Variants in BRPF3 observed in about 807,000 individuals in gnomAD.
BRPF3 encodes bromodomain and PHD finger-containing protein 3.
A neutral mutation model predicts 102.0 loss-of-function variants in BRPF3; 18 were observed. That is an observed-to-expected ratio of 0.18 (90% CI 0.12 to 0.26). BRPF3 has a LOEUF of 0.26. Among genes scored for constraint, BRPF3 ranks in the 10% least tolerant of loss-of-function variants. The pLI, the probability that BRPF3 is intolerant of heterozygous loss-of-function variation, is 1.00. For missense variants in BRPF3, 1,147 were observed against 1,567.8 expected (o/e 0.73, Z 4.53); for synonymous variants, 570 against 614.2 (o/e 0.93, Z 1.06).
chr6:36,211,131 C>CGCTGCTGGAA, intron 6 of BRPF3, 127 bp from the exon 7 acceptor site: 1 of 1,095,416 alleles, frequency 9.1e-7, no homozygotes, highest in Non-Finnish European at 1.3e-6. Flanking sequence ...CCCACAGTGA[C>CGCTGCTGGAA]GCTGCTGGAA....
intron 4 of BRPF3, among the ~76,000 whole-genome samples, chr6:36,208,257 A>G (rs1170953309): frequency 6.6e-6 from 1 of 152,224 alleles, no homozygotes; most frequent in Non-Finnish European, 1.5e-5. Flanking sequence ...AATACTGTTA[A>G]TTAAGTGGAT....
chr6:36,223,274 C>CA (rs1768615112), intron 10 of BRPF3, among the ~76,000 whole-genome samples: 1 of 152,188 alleles, frequency 6.6e-6, no homozygotes, highest in South Asian at 2.1e-4. Context: ...CAGTTTCTTT[C>CA]TCGTATGTGT....
chr6:36,205,597 C>T (rs563506781), intron 3 of BRPF3, among the ~76,000 whole-genome samples: 1 of 152,292 alleles, frequency 6.6e-6, no homozygotes, highest in Non-Finnish European at 1.5e-5. Context: ...ATATTCTCAC[C>T]TGATTGATCA....
At chr6:36,217,009 G>A (rs893807087) in intron 8 of BRPF3, among the ~76,000 whole-genome samples, 7 of 152,052 alleles carry the variant, frequency 4.6e-5, no homozygotes, top group African/African-American at 1.5e-4. Flanking sequence ...ACTGCACTCC[G>A]CCTGGGCAAC....
intron 7 of BRPF3, 28 bp downstream of exon 7, chr6:36,211,588 G>C (rs763021871): frequency 5.9e-5 from 91 of 1,545,232 alleles, no homozygotes; most frequent in Non-Finnish European, 7.7e-5. Flanking sequence ...GCAGGCAGGG[G>C]GTTGGAGGGT....
In BRPF3 at chr6:36,211,261, A is replaced by G. The variant is rs1471722682; in HGVS notation, c.2183A>G (p.Asp728Gly). ...DFYRFSWEDV[D>G]NILIPENRAH... The stretch of plus-strand genomic sequence containing the variant: ...TGTCCTCCCTTCTCCCTGGCAGTGG[A>G]CAACATCCTCATCCCAGAGAACCGG... Residue 728 changes from aspartate to glycine, a missense_variant, in exon 7 of 13, where the codon GAC becomes GGC. This residue lies in a region of BRPF3 where 109 missense variants were observed against 175.1 expected (regional missense o/e 0.62). Coordinates refer to ENST00000357641, the MANE Select transcript of BRPF3 (RefSeq NM_015695.3). The G allele has an allele frequency of 1.2e-6, 2 of 1,612,736 alleles. No homozygotes were observed. The highest frequency in any genetic ancestry group is 2.2e-5 in the East Asian group (1 of 44,872).
At chr6:36,207,286 T>C (rs762681280) in intron 3 of BRPF3, 27 bp from the exon 4 acceptor site, 7 of 1,606,262 alleles carry the variant, frequency 4.4e-6, no homozygotes, top group Non-Finnish European at 6.0e-6. Flanking sequence ...AGGAGGTTCC[T>C]AGTCCCTCTT....
chr6:36,223,747 G>C (rs972977312), intron 10 of BRPF3, among the ~76,000 whole-genome samples: 1 of 152,006 alleles, frequency 6.6e-6, no homozygotes. Flanking sequence ...CCGGCTTTTA[G>C]CATTATATGT....
Position 36,210,095 on chromosome 6 carries a change from G to T in BRPF3, c.1867-121G>T, listed in dbSNP as rs1364127249. Reference sequence around the variant, plus strand: ...CAGGCCAGGGTGGGCCAGGACTGTAGGTCTTTGAGTTAGCCTGGCATGGCC... The same window carrying T: ...CAGGCCAGGGTGGGCCAGGACTGTATGTCTTTGAGTTAGCCTGGCATGGCC... On this transcript the variant is annotated intron_variant, in intron 5 of 12. Transcript: ENST00000357641. This position sits in a 1 kb window ranked among gnomAD's most constrained non-coding sequence, Gnocchi z 4.7. 10 of 1,428,790 alleles carry T rather than the reference G, an allele frequency of 7.0e-6. No individual in the cohort carries two copies. The East Asian group carries it at 2.4e-4, about 34-fold the overall frequency. 88.5% of individuals were successfully genotyped at this position (1,428,790 alleles called of 1,614,324 possible). A position where few individuals can be genotyped will look rare whatever the true frequency, so the allele number is the denominator to read the frequency against.
In BRPF3 at chr6:36,218,027, A is replaced by G. The variant is rs1768393594; in HGVS notation, c.3083+17A>G. 6.2e-7 allele frequency: 1 copy of G among 1,605,630 alleles called. No individual in the cohort carries two copies. Among genetic ancestry groups the G allele is most frequent in the Non-Finnish European group, 8.5e-7 (1 of 1,174,938 alleles). ...AGCTTGCAGGTAAGAACACATTCCC[A>G]AAGCTTTGTCAGCAGCTCTGCTACC... On this transcript the variant is annotated intron_variant, in intron 9 of 12. Coordinates refer to ENST00000357641, the MANE Select transcript of BRPF3 (RefSeq NM_015695.3).
chr6:36,214,501 G>A (rs1768258303), intron 8 of BRPF3, 115 bp downstream of exon 8: 1 of 1,264,348 alleles, frequency 7.9e-7, no homozygotes, highest in African/African-American at 1.5e-5. Flanking sequence ...GACAGCAATA[G>A]TAGCATTGAG....
Position 36,224,455 on chromosome 6 carries a change from G to T in BRPF3, c.3182-812G>T, listed in dbSNP as rs149225486. ...GAAAGGATGCAGTGCCTGCTCCAGG[G>T]ATACCCAGTCTCATTTCTGACAAAA... On this transcript the variant is annotated intron_variant, in intron 10 of 12. Transcript: ENST00000357641. Among the ~76,000 whole-genome samples the T allele has an allele frequency of 5.1e-3, 776 of 152,328 alleles. 4 individuals carry two copies. The highest frequency in any genetic ancestry group is 8.4e-3 in the Admixed American group (129 of 15,298).
At position 36,210,930 on chromosome 6, in the gene BRPF3, C is replaced by T. The variant is rs1288569412; in HGVS notation, c.2180-328C>T. 6.6e-6 allele frequency among the ~76,000 whole-genome samples: 1 copy of T among 152,160 alleles called. No individual in the cohort carries two copies. The highest frequency in any genetic ancestry group is 2.4e-5 in the African/African-American group (1 of 41,440). ...AATGGAATTGCCTCTGAGCCCCACA[C>T]GCTGCCTGTCCCTGCTCTCTGCTTC... On this transcript the variant is annotated intron_variant, in intron 6 of 12. Transcript: ENST00000357641. The surrounding 1 kb of genome is among the most constrained non-coding windows in gnomAD (Gnocchi z 4.7).
At position 36,210,517 on chromosome 6, in the gene BRPF3, C is replaced by T; in HGVS notation, c.2168C>T (p.Ser723Phe). The T allele has an allele frequency of 1.3e-6, 2 of 1,589,910 alleles. No homozygotes were observed. Among genetic ancestry groups the T allele is most frequent in the Non-Finnish European group, 1.7e-6 (2 of 1,174,308 alleles). Residue 723 changes from serine to phenylalanine, a missense_variant, in exon 6 of 13, where the codon TCC becomes TTC. Physicochemically the swap from Ser to Phe is radical, Grantham distance 155 (BLOSUM62 -2). Around this residue, in one of 11 missense-constraint regions of BRPF3, gnomAD observed 109 missense variants for 175.1 expected, o/e 0.62. Coordinates refer to ENST00000357641, the MANE Select transcript of BRPF3 (RefSeq NM_015695.3). This position sits in a 1 kb window ranked among gnomAD's most constrained non-coding sequence, Gnocchi z 4.7. Reference sequence around the variant, plus strand: ...AAATTGGAAGACTTTTACCGCTTCTCCTGGGAAGACGGTGAGAGGCCTGGA... The same window carrying T: ...AAATTGGAAGACTTTTACCGCTTCTTCTGGGAAGACGGTGAGAGGCCTGGA... ...SPKLEDFYRF[S>F]WEDVDNILIP...
chr6:36,218,271 G>A (rs897430970), intron 9 of BRPF3, among the ~76,000 whole-genome samples: 2 of 152,090 alleles, frequency 1.3e-5, no homozygotes, highest in Non-Finnish European at 2.9e-5. Context: ...TAGAGGATAA[G>A]AAAAGCTAAA....
intron 4 of BRPF3, 134 bp from the exon 5 acceptor site, chr6:36,209,653 T>TGG (rs1768024825): frequency 9.0e-7 from 1 of 1,111,744 alleles, no homozygotes; most frequent in African/African-American, 1.6e-5. Context: ...TGATAGCTTC[T>TGG]CATATACTGG....
At chr6:36,204,873 T>A in intron 3 of BRPF3, 59 bp downstream of exon 3, 2 of 1,586,920 alleles carry the variant, frequency 1.3e-6, no homozygotes, top group Admixed American at 1.7e-5. Flanking sequence ...GGAAAAGGAA[T>A]GATGGTTGGG....
rs573142685 is a variant in BRPF3 at position 36,229,537 on chromosome 6, G to C, written c.3434+481G>C. 1.1e-3 allele frequency among the ~76,000 whole-genome samples: 164 copies of C among 152,348 alleles called. 1 individual carries two copies. The highest frequency in any genetic ancestry group is 3.9e-3 in the African/African-American group (161 of 41,582). ...TTCCTAGAGAGGGACTCAGATGAGAGCCTGTGAGCTTCCAGCACTTCCAGT... is the reference window on the plus strand; with the variant it reads ...TTCCTAGAGAGGGACTCAGATGAGACCCTGTGAGCTTCCAGCACTTCCAGT... On this transcript the variant is annotated intron_variant, in intron 12 of 12. Transcript: ENST00000357641.
chr6:36,213,551 A>G (rs538644417), intron 7 of BRPF3, among the ~76,000 whole-genome samples: 3 of 152,182 alleles, frequency 2.0e-5, no homozygotes, highest in East Asian at 1.9e-4. Flanking sequence ...TTGAAAAATT[A>G]GCCTAGCCAA....
Sources: gnomAD v4.1 joint callset for allele counts (sites outside exome capture counted in the v4.1 genomes callset) on GRCh38, gnomAD v4.1.1 for gene constraint, gnomAD v4.1.1 regional missense constraint, Gnocchi (gnomAD v3.1) non-coding constraint, MANE v1.5 for transcripts, NCBI Gene and HGNC (gene_info 2026-07-23, HGNC 2026-07-21) for gene names.